The following PPARGC1A variants were observed in gnomAD, a reference collection of about 807,000 sequenced individuals.
PPARGC1A encodes the protein PPARG coactivator 1 alpha.
Under a neutral mutation model 88.7 loss-of-function variants are expected in PPARGC1A, and 25 were observed. The ratio of observed to expected loss-of-function variants is 0.28; its 90% CI spans 0.21 to 0.39. The LOEUF is 0.39. PPARGC1A is among the 10% of genes least tolerant of loss of function. PPARGC1A has a pLI of 1.00. For missense variants in PPARGC1A, 880 were observed against 968.7 expected (o/e 0.91, Z 1.22); for synonymous variants, 363 against 355.6 (o/e 1.02, Z -0.24).
At chr4:24,162,482 G>T in the PPARGC1A span, among the ~76,000 whole-genome samples, 29 of 152,004 alleles carry the variant, frequency 1.9e-4, 1 homozygote, top group Non-Finnish European at 3.4e-4. Flanking sequence ...GCTTACCAAA[G>T]TTGTCTCCTT....
chr4:24,111,178 G>A, the PPARGC1A span, among the ~76,000 whole-genome samples: 1 of 152,060 alleles, frequency 6.6e-6, no homozygotes, highest in South Asian at 2.1e-4. Flanking sequence ...AACACCTATT[G>A]ATTGTTAATT....
At chr4:23,928,193 C>A in the PPARGC1A span, among the ~76,000 whole-genome samples, 1 of 152,112 alleles carries the variant, frequency 6.6e-6, no homozygotes, top group Non-Finnish European at 1.5e-5. Context: ...GGTTATTGTT[C>A]TTGGATGCAG....
chr4:23,799,214 C>T (rs1213219721), intron 12 of PPARGC1A, among the ~76,000 whole-genome samples: 1 of 152,098 alleles, frequency 6.6e-6, no homozygotes, highest in Non-Finnish European at 1.5e-5. Flanking sequence ...GGAACAAAGA[C>T]AAGACACAGG....
the PPARGC1A span, among the ~76,000 whole-genome samples, chr4:24,194,610 A>G: frequency 5.4e-5 from 4 of 73,628 alleles, no homozygotes; most frequent in Non-Finnish European, 1.4e-4. Flanking sequence ...GGGCTGGCAC[A>G]CACGCGCGCG....
the PPARGC1A span, among the ~76,000 whole-genome samples, chr4:24,005,318 T>C: frequency 6.6e-6 from 1 of 152,086 alleles, no homozygotes; most frequent in South Asian, 2.1e-4. Flanking sequence ...AAATAGAAAC[T>C]TAAAATAGGG....
chr4:23,971,162 T>A, the PPARGC1A span, among the ~76,000 whole-genome samples: 1 of 152,188 alleles, frequency 6.6e-6, no homozygotes, highest in African/African-American at 2.4e-5. Context: ...ATACATATAT[T>A]AAGAATATTA....
intron 2 of PPARGC1A, among the ~76,000 whole-genome samples, chr4:23,833,790 G>GT (rs1455716705): frequency 6.6e-6 from 1 of 152,176 alleles, no homozygotes; most frequent in Non-Finnish European, 1.5e-5. Context: ...TTTAATTGAC[G>GT]TTTTTTAATT....
At chr4:23,832,612 C>CTTTTTTTTTTTT (rs570752359) in intron 2 of PPARGC1A, among the ~76,000 whole-genome samples, 9 of 131,828 alleles carry the variant, frequency 6.8e-5, no homozygotes, top group Non-Finnish European at 1.1e-4. Flanking sequence ...TTTTCTTTTT[C>CTTTTTTTTTTTT]TTTTTTTTTT....
chr4:24,308,391 T>C, the PPARGC1A span, among the ~76,000 whole-genome samples: 1 of 152,126 alleles, frequency 6.6e-6, no homozygotes, highest in African/African-American at 2.4e-5. Flanking sequence ...TCAGGTTAAC[T>C]TTTATTTAGT....
chr4:24,033,414 C>CACAA, the PPARGC1A span, among the ~76,000 whole-genome samples: 2 of 136,458 alleles, frequency 1.5e-5, no homozygotes, highest in South Asian at 4.2e-4. Flanking sequence ...CAGACAGACA[C>CACAA]ACACACACAC....
chr4:24,442,147 A>G, the PPARGC1A span, among the ~76,000 whole-genome samples: 8 of 152,226 alleles, frequency 5.3e-5, no homozygotes, highest in Non-Finnish European at 1.2e-4. Context: ...AAAAAAGTAG[A>G]AATATAAATT....
chr4:24,183,288 T>C, the PPARGC1A span, among the ~76,000 whole-genome samples: 2 of 152,272 alleles, frequency 1.3e-5, no homozygotes, highest in East Asian at 3.9e-4. Flanking sequence ...TATTACCCCA[T>C]TTCATAGATG....
At chr4:23,931,440 T>C in the PPARGC1A span, among the ~76,000 whole-genome samples, 1 of 152,158 alleles carries the variant, frequency 6.6e-6, no homozygotes, top group African/African-American at 2.4e-5. Context: ...CTGACTTTTT[T>C]TTTTACTTCC....
chr4:23,889,988 T>G lies in PPARGC1A; in HGVS notation c.-31A>C. The G allele has an allele frequency of 6.2e-7, 1 of 1,613,314 alleles. No homozygotes were observed. The highest frequency in any genetic ancestry group is 8.5e-7 in the Non-Finnish European group (1 of 1,179,584). ...TCCTGAATGACGCCAGTCAAGCTTT[T>G]TCAACTCCAATCCACAGTGACACAG... On this transcript the variant is annotated 5_prime_UTR_variant, in exon 1 of 13. Transcript: ENST00000264867.
At chr4:24,263,529 C>T in the PPARGC1A span, among the ~76,000 whole-genome samples, 2 of 151,876 alleles carry the variant, frequency 1.3e-5, no homozygotes, top group Non-Finnish European at 1.5e-5. Context: ...CATGGATCCA[C>T]TTATACAGAG....
chr4:24,362,651 CCTCT>C, the PPARGC1A span, among the ~76,000 whole-genome samples: 1 of 152,052 alleles, frequency 6.6e-6, no homozygotes, highest in Non-Finnish European at 1.5e-5. Context: ...GAGATATTTA[CCTCT>C]AACTTTTCAA....
At chr4:24,036,285 T>C in the PPARGC1A span, among the ~76,000 whole-genome samples, 1 of 152,212 alleles carries the variant, frequency 6.6e-6, no homozygotes, top group African/African-American at 2.4e-5. Flanking sequence ...TCTTACACAC[T>C]GCTAGTGAGA....
At chr4:23,974,694 G>A in the PPARGC1A span, among the ~76,000 whole-genome samples, 1 of 151,098 alleles carries the variant, frequency 6.6e-6, no homozygotes, top group Admixed American at 6.6e-5. Context: ...GTGCAGTGGC[G>A]TGATCTCCGG....
At chr4:24,264,994 C>T in the PPARGC1A span, among the ~76,000 whole-genome samples, 1 of 152,204 alleles carries the variant, frequency 6.6e-6, no homozygotes, top group African/African-American at 2.4e-5. Context: ...CATCACATAT[C>T]TCCAAGAACT....
Sources: allele counts gnomAD v4.1 joint callset (sites outside exome capture counted in the v4.1 genomes callset), GRCh38; gene constraint gnomAD v4.1.1; transcripts MANE v1.5; gene names NCBI Gene and HGNC (gene_info 2026-07-23, HGNC 2026-07-21).